FMN1: variants seen among roughly 807,000 people sequenced by gnomAD.
FMN1 encodes the protein formin 1.
In FMN1, 110 loss-of-function variants were observed where a neutral mutation model predicts 132.4. That is an observed-to-expected ratio of 0.83 (90% CI 0.71 to 0.97). FMN1 has a LOEUF of 0.97. FMN1 is among the 50% of genes least tolerant of loss of function. The pLI is 0.00. For missense variants in FMN1, 1,792 were observed against 1,705.3 expected (o/e 1.05, Z -0.90); for synonymous variants, 722 against 651.7 (o/e 1.11, Z -1.64).
chr15:32,780,405 A>G (rs1304629107), intron 19 of FMN1, among the ~76,000 whole-genome samples: 1 of 152,180 alleles, frequency 6.6e-6, no homozygotes, highest in Non-Finnish European at 1.5e-5. Flanking sequence ...TAGTGCCAAG[A>G]CAGTTTACAA....
intron 5 of FMN1, among the ~76,000 whole-genome samples, chr15:33,083,144 G>A (rs749571838): frequency 1.9e-4 from 29 of 152,248 alleles, no homozygotes; most frequent in African/African-American, 2.6e-4. Context: ...TGTATATTTC[G>A]TCTTCATCTG....
At chr15:32,918,573 A>C (rs1444316544) in intron 10 of FMN1, among the ~76,000 whole-genome samples, 1 of 152,216 alleles carries the variant, frequency 6.6e-6, no homozygotes, top group East Asian at 1.9e-4. Context: ...CTATGCCTCA[A>C]GTTGCCCAAG....
At chr15:32,899,930 G>C in intron 14 of FMN1, 49 bp downstream of exon 14, 1 of 1,578,846 alleles carries the variant, frequency 6.3e-7, no homozygotes, top group Non-Finnish European at 8.6e-7. Context: ...TAAAGGTAAA[G>C]AAAGAAAATA....
chr15:33,144,685 C>T (rs1336239614), intron 4 of FMN1, among the ~76,000 whole-genome samples: 1 of 133,354 alleles, frequency 7.5e-6, no homozygotes, highest in African/African-American at 2.8e-5. Context: ...CTACACAAAA[C>T]AATAAAATAT....
intron 16 of FMN1, among the ~76,000 whole-genome samples, chr15:32,886,448 G>C (rs1408516297): frequency 2.0e-5 from 3 of 152,198 alleles, no homozygotes; most frequent in Non-Finnish European, 4.4e-5. Flanking sequence ...GAGAGATCCG[G>C]AACGACAATT....
intron 6 of FMN1, among the ~76,000 whole-genome samples, chr15:33,025,757 G>T (rs2035635469): frequency 6.6e-6 from 1 of 152,076 alleles, no homozygotes; most frequent in Non-Finnish European, 1.5e-5. Flanking sequence ...GAATGACACA[G>T]ATAAGGCTCC....
At chr15:33,184,477 C>T (rs1328759987) in intron 2 of FMN1, among the ~76,000 whole-genome samples, 3 of 150,930 alleles carry the variant, frequency 2.0e-5, no homozygotes, top group African/African-American at 7.3e-5. Context: ...AATTTCTTCC[C>T]TTTTAATTTA....
chr15:33,067,358 G>T (rs138694930), intron 5 of FMN1: 10 of 1,613,820 alleles, frequency 6.2e-6, no homozygotes, highest in Non-Finnish European at 8.5e-6. Flanking sequence ...CTCCTGAGAT[G>T]GCTCAGATAA....
intron 9 of FMN1, among the ~76,000 whole-genome samples, chr15:32,931,041 A>G (rs1298914807): frequency 6.6e-6 from 1 of 151,928 alleles, no homozygotes; most frequent in Non-Finnish European, 1.5e-5. Flanking sequence ...ATTCTGTTCT[A>G]TTGGCCTATA....
At chr15:32,874,281 A>G (rs974201664) in intron 16 of FMN1, among the ~76,000 whole-genome samples, 2 of 152,008 alleles carry the variant, frequency 1.3e-5, no homozygotes, top group Non-Finnish European at 2.9e-5. Context: ...TCGGCCTCCC[A>G]AAGTGCTGGG....
At chr15:32,908,231 A>G in intron 12 of FMN1, 2 of 387,556 alleles carry the variant, frequency 5.2e-6, no homozygotes, top group Non-Finnish European at 9.5e-6. Context: ...AGGAGGAATT[A>G]ACAAGTTGCT....
At chr15:32,800,975 A>G (rs1300898062) in intron 18 of FMN1, among the ~76,000 whole-genome samples, 1 of 152,206 alleles carries the variant, frequency 6.6e-6, no homozygotes. Context: ...TGGGGAAGGG[A>G]AAGTCTTTCA....
At chr15:33,076,984 T>G (rs1442128138) in intron 5 of FMN1, among the ~76,000 whole-genome samples, 1 of 152,226 alleles carries the variant, frequency 6.6e-6, no homozygotes, top group Admixed American at 6.5e-5. Flanking sequence ...CAAATGTCAA[T>G]GCACTAAAAT....
At chr15:32,948,863 G>T (rs1010485656) in intron 9 of FMN1, among the ~76,000 whole-genome samples, 2 of 151,542 alleles carry the variant, frequency 1.3e-5, no homozygotes, top group South Asian at 4.2e-4. Context: ...AAATGTATTA[G>T]GTTAAACCAC....
At chr15:33,129,996 T>C (rs977186423) in intron 4 of FMN1, among the ~76,000 whole-genome samples, 11 of 152,128 alleles carry the variant, frequency 7.2e-5, no homozygotes, top group African/African-American at 2.7e-4. Context: ...GGTTTCACCA[T>C]GTTGGCCAGG....
chr15:32,949,986 C>CAT lies in FMN1; in HGVS notation c.3138+14119_3138+14120dup, dbSNP rs1214312848. ...ATATACACACATATATATACACACA[C>CAT]ATATATATACACATACACATATATA... On this transcript the variant is annotated intron_variant, in intron 9 of 20. Coordinates refer to ENST00000616417, the MANE Select transcript of FMN1 (RefSeq NM_001277313.2). Among the ~76,000 whole-genome samples, 11 of 8,266 alleles carry CAT rather than the reference C, an allele frequency of 1.3e-3. 3 individuals carry two copies. Among genetic ancestry groups the CAT allele is most frequent in the South Asian group, 4.8e-3 (1 of 208 alleles). 5.4% of individuals were successfully genotyped at this position (8,266 alleles called of 152,430 possible).
Position 33,153,871 on chromosome 15 carries a change from A to G in FMN1, c.1044T>C (p.Ser348=), listed in dbSNP as rs1964555910. ...GAATGGCAATCGTCTCCTTACCCTT[A>G]GAATGCGTTTTAACTACTCTTTGTA... ...SQVQRVVKTH[S]KGKETIAIRP... is the part of the protein sequence containing the mutation. Residue 348 remains serine (S), a synonymous_variant, in exon 4 of 21, where the codon TCT becomes TCC. Transcript: ENST00000616417. 1 of 1,536,610 alleles carries G rather than the reference A, an allele frequency of 6.5e-7. No individual in the cohort carries two copies. The highest frequency in any genetic ancestry group is 2.0e-5 in the Admixed American group (1 of 50,988).
chr15:33,117,362 C>A (rs776931114), intron 4 of FMN1, among the ~76,000 whole-genome samples: 1 of 151,596 alleles, frequency 6.6e-6, no homozygotes, highest in Non-Finnish European at 1.5e-5. Flanking sequence ...TTGAAAGCAT[C>A]GAAACCATAG....
At position 32,766,725 on chromosome 15, in the gene FMN1, C is replaced by T. The variant is rs1444677801; in HGVS notation, c.*7585G>A. Reference sequence around the variant, plus strand: ...CTGTCCAAACGGCTGAGGAACGGAGCACAGGGTGTGAGAGGATGGAGGAGG... The same window carrying T: ...CTGTCCAAACGGCTGAGGAACGGAGTACAGGGTGTGAGAGGATGGAGGAGG... On this transcript the variant is annotated 3_prime_UTR_variant, in exon 21 of 21. Coordinates refer to ENST00000616417, the MANE Select transcript of FMN1 (RefSeq NM_001277313.2). 1 of 152,116 alleles carries T rather than the reference C, an allele frequency of 6.6e-6. No homozygotes were observed. The highest frequency in any genetic ancestry group is 2.4e-5 in the African/African-American group (1 of 41,374). 9.4% of individuals were successfully genotyped at this position (152,116 alleles called of 1,614,324 possible). A position where few individuals can be genotyped will look rare whatever the true frequency, so the allele number is the denominator to read the frequency against.
Sources: allele counts gnomAD v4.1 joint callset (sites outside exome capture counted in the v4.1 genomes callset), GRCh38; gene constraint gnomAD v4.1.1; transcripts MANE v1.5; gene names NCBI Gene and HGNC (gene_info 2026-07-23, HGNC 2026-07-21).